Variants in IQCM observed in about 807,000 individuals in gnomAD.
IQCM encodes IQ domain-containing protein M.
IQCM carries 45 observed loss-of-function variants against 57.6 expected under a neutral mutation model. The ratio of observed to expected loss-of-function variants is 0.78; its 90% CI spans 0.62 to 1.00. The LOEUF (loss-of-function observed/expected upper bound fraction) is 1.00. Among genes scored for constraint, IQCM ranks in the 50% least tolerant of loss-of-function variants. The pLI, the probability that IQCM is intolerant of heterozygous loss-of-function variation, is 0.00. For missense variants in IQCM, 468 were observed against 511.6 expected, an observed-to-expected ratio of 0.91 and a Z score of 0.82; for synonymous variants, 148 against 158.9, an observed-to-expected ratio of 0.93 and a Z score of 0.51.
At chr4:149,413,462 TGC>T (rs759535648) in intron 13 of IQCM, among the ~76,000 whole-genome samples, 4 of 152,096 alleles carry the variant, frequency 2.6e-5, no homozygotes, top group African/African-American at 4.8e-5. Flanking sequence ...AATGCCAGGA[TGC>T]CATCTGCCGT....
At chr4:149,460,475 G>GTA (rs1282329877) in intron 12 of IQCM, among the ~76,000 whole-genome samples, 1 of 152,104 alleles carries the variant, frequency 6.6e-6, no homozygotes, top group African/African-American at 2.4e-5. Flanking sequence ...ATTTTTAGCT[G>GTA]TATAATGTCT....
At chr4:149,699,129 C>T (rs1763565217) in intron 5 of IQCM, among the ~76,000 whole-genome samples, 2 of 151,962 alleles carry the variant, frequency 1.3e-5, no homozygotes, top group African/African-American at 4.8e-5. Flanking sequence ...AAAATATTAT[C>T]TCAAATATGT....
At chr4:149,485,703 G>A (rs1408565320) in intron 12 of IQCM, among the ~76,000 whole-genome samples, 1 of 151,830 alleles carries the variant, frequency 6.6e-6, no homozygotes, top group Non-Finnish European at 1.5e-5. Context: ...TCCTGGATTG[G>A]TCTCTGGTGT....
intron 2 of IQCM, among the ~76,000 whole-genome samples, chr4:149,747,615 G>C (rs1768049316): frequency 6.6e-6 from 1 of 152,184 alleles, no homozygotes; most frequent in Admixed American, 6.5e-5. Context: ...AACTACAGTA[G>C]ATGATAGGAG....
At chr4:149,624,147 A>AGT (rs34626095) in intron 7 of IQCM, among the ~76,000 whole-genome samples, 31,736 of 144,532 alleles carry the variant, frequency 0.22, 3,964 homozygotes, top group Non-Finnish European at 0.29. Flanking sequence ...ATGTGCCCCA[A>AGT]GTGTGTGTGT....
At chr4:149,778,312 G>A (rs1456102140) in intron 2 of IQCM, among the ~76,000 whole-genome samples, 1 of 152,038 alleles carries the variant, frequency 6.6e-6, no homozygotes, top group Admixed American at 6.6e-5. Flanking sequence ...GGAGGCGGAG[G>A]TTGCAGTGAG....
At chr4:149,356,626 C>T (rs1349337985) in intron 13 of IQCM, among the ~76,000 whole-genome samples, 2 of 152,108 alleles carry the variant, frequency 1.3e-5, no homozygotes, top group Non-Finnish European at 2.9e-5. Flanking sequence ...GTAAGAGTAC[C>T]ATGCTGTTTT....
At chr4:149,611,960 A>T (rs1579695632) in intron 8 of IQCM, among the ~76,000 whole-genome samples, 1 of 121,708 alleles carries the variant, frequency 8.2e-6, no homozygotes, top group East Asian at 2.8e-4. Flanking sequence ...AATAATTAAC[A>T]ATAATTTTAT....
intron 13 of IQCM, among the ~76,000 whole-genome samples, chr4:149,411,122 G>C (rs965604136): frequency 1.3e-5 from 2 of 151,948 alleles, no homozygotes; most frequent in African/African-American, 2.4e-5. Flanking sequence ...TTACATCATA[G>C]CACTTCTATT....
intron 12 of IQCM, among the ~76,000 whole-genome samples, chr4:149,509,887 A>T (rs1744223679): frequency 6.6e-6 from 1 of 151,970 alleles, no homozygotes; most frequent in South Asian, 2.1e-4. Context: ...GTTTTTCATC[A>T]TTCTCATATT....
chr4:149,706,900 C>G (rs1398618068), intron 5 of IQCM, among the ~76,000 whole-genome samples: 1 of 151,902 alleles, frequency 6.6e-6, no homozygotes, highest in Non-Finnish European at 1.5e-5. Flanking sequence ...TTCTACAATT[C>G]TACAGTTCTA....
chr4:149,637,120 G>A (rs1272167319), intron 7 of IQCM, among the ~76,000 whole-genome samples: 6 of 146,490 alleles, frequency 4.1e-5, no homozygotes, highest in African/African-American at 1.0e-4. Context: ...TCCGCAGTCC[G>A]GCCTGGGCGA....
At position 149,457,558 on chromosome 4, in the gene IQCM, G is replaced by GTTTTGT. The variant is rs1237276898; in HGVS notation, c.1229-24007_1229-24002dup. On this transcript the variant is annotated intron_variant, in intron 12 of 13. Transcript: ENST00000636793. The stretch of plus-strand genomic sequence containing the variant: ...AAGACATGAAAAACATCAGTTTTAG[G>GTTTTGT]TTTTGTTTTTGTTTTTGTTTTGCTA... Among the ~76,000 whole-genome samples the GTTTTGT allele has an allele frequency of 4.0e-5, 6 of 151,738 alleles. No homozygotes were observed. In the East Asian group the frequency reaches 1.2e-3, roughly 29 times the overall value.
At chr4:149,410,812 C>T (rs1385726079) in intron 13 of IQCM, among the ~76,000 whole-genome samples, 1 of 151,852 alleles carries the variant, frequency 6.6e-6, no homozygotes, top group Non-Finnish European at 1.5e-5. Flanking sequence ...TTAGTGCTGG[C>T]CAATAGTTAA....
In IQCM at chr4:149,621,134, A is replaced by G; in HGVS notation, c.676T>C (p.Tyr226His). ...SQSSSIFRDY[Y>H]SKTFKTLIKK... The stretch of plus-strand genomic sequence containing the variant: ...CCAGTTTTATAAATACTTACAGAAT[A>G]ATAATCCCGAAATATTGATGATGAT... The change falls in exon 8 of 14, where the codon TAT becomes CAT. Residue 226 changes from tyrosine to histidine, a missense_variant. By Grantham distance (83) the Tyr-to-His change is moderately conservative. Transcript: ENST00000636793. 8.2e-7 allele frequency: 1 copy of G among 1,215,564 alleles called. No homozygotes were observed. Among genetic ancestry groups the G allele is most frequent in the Non-Finnish European group, 1.0e-6 (1 of 972,864 alleles). The allele number at this position is 1,215,564 out of a possible 1,614,324, so 75.3% of individuals were successfully genotyped here.
chr4:149,384,339 T>G (rs1353426553), intron 13 of IQCM, among the ~76,000 whole-genome samples: 1 of 152,138 alleles, frequency 6.6e-6, no homozygotes, highest in Non-Finnish European at 1.5e-5. Context: ...GAAGGAAGAA[T>G]TCTCTGTCCT....
chr4:149,564,940 G>A (rs61139344), intron 9 of IQCM, among the ~76,000 whole-genome samples: 23,698 of 152,034 alleles, frequency 0.16, 2,187 homozygotes, highest in South Asian at 0.33. Flanking sequence ...TGTAATCTTG[G>A]TAACCTTGTG....
At chr4:149,417,951 C>A (rs1194798745) in intron 13 of IQCM, among the ~76,000 whole-genome samples, 1 of 151,042 alleles carries the variant, frequency 6.6e-6, no homozygotes, top group Non-Finnish European at 1.5e-5. Flanking sequence ...TTGAGCCTAG[C>A]AAATGCTAAA....
At chr4:149,562,872 T>C (rs1353125263) in intron 10 of IQCM, among the ~76,000 whole-genome samples, 1 of 152,216 alleles carries the variant, frequency 6.6e-6, no homozygotes, top group Non-Finnish European at 1.5e-5. Flanking sequence ...GTGTTCAGGA[T>C]GCCCACTGCA....
Sources: gnomAD v4.1 joint callset for allele counts (sites outside exome capture counted in the v4.1 genomes callset) on GRCh38, gnomAD v4.1.1 for gene constraint, MANE v1.5 for transcripts, NCBI Gene and HGNC (gene_info 2026-07-23, HGNC 2026-07-21) for gene names.